ERBB4: variants seen among roughly 807,000 people sequenced by gnomAD.
ERBB4 encodes the protein receptor tyrosine-protein kinase erbB-4.
A neutral mutation model predicts 158.0 loss-of-function variants in ERBB4; 42 were observed. The observed-to-expected ratio is 0.27, with a 90% confidence interval of 0.21 to 0.34. The LOEUF (loss-of-function observed/expected upper bound fraction) is 0.34, where lower values mean the gene tolerates loss of function less well. ERBB4 is among the 10% of genes least tolerant of loss of function. The pLI is 1.00. For synonymous variants in ERBB4, 583 were observed against 558.7 expected, an observed-to-expected ratio of 1.04 and a Z score of -0.61; for missense variants, 1,333 against 1,624.1, an observed-to-expected ratio of 0.82 and a Z score of 3.08.
intron 1 of ERBB4, among the ~76,000 whole-genome samples, chr2:212,396,051 T>A (rs767422565): frequency 3.3e-5 from 5 of 152,224 alleles, no homozygotes; most frequent in Non-Finnish European, 7.3e-5. Flanking sequence ...TGCTTTAGGA[T>A]GTTTTTAATA....
intron 1 of ERBB4, among the ~76,000 whole-genome samples, chr2:212,198,642 TC>T (rs2082499721): frequency 6.6e-6 from 1 of 151,882 alleles, no homozygotes; most frequent in Non-Finnish European, 1.5e-5. Context: ...TGGTGGGATC[TC>T]AGTTTACTGC....
At chr2:212,451,441 C>T (rs2092444576) in intron 1 of ERBB4, among the ~76,000 whole-genome samples, 1 of 152,110 alleles carries the variant, frequency 6.6e-6, no homozygotes. Context: ...TGTCTTTGAC[C>T]TATGTAAGGG....
chr2:211,843,608 A>T (rs1326721981), intron 3 of ERBB4, among the ~76,000 whole-genome samples: 2 of 152,122 alleles, frequency 1.3e-5, no homozygotes, highest in Non-Finnish European at 2.9e-5. Flanking sequence ...AGGAGATTTT[A>T]AAAATGTTTT....
chr2:212,118,345 G>A (rs894803923), intron 2 of ERBB4, among the ~76,000 whole-genome samples: 2 of 152,152 alleles, frequency 1.3e-5, no homozygotes, highest in Non-Finnish European at 2.9e-5. Context: ...ACAAAACTGT[G>A]CTAATGAAGC....
intron 1 of ERBB4, among the ~76,000 whole-genome samples, chr2:212,487,414 C>CT (rs778712284): frequency 4.6e-5 from 7 of 151,686 alleles, no homozygotes; most frequent in Non-Finnish European, 8.8e-5. Context: ...CTTTAGCAAA[C>CT]TTTTTTTTAT....
At chr2:211,780,472 C>T (rs2076007269) in intron 4 of ERBB4, among the ~76,000 whole-genome samples, 2 of 152,070 alleles carry the variant, frequency 1.3e-5, no homozygotes, top group South Asian at 4.1e-4. Context: ...GACAAGAAAA[C>T]CAGGCTAGCA....
rs919108449 is a variant in ERBB4 at position 212,138,090 on chromosome 2, T to C, written c.83-13187A>G. On this transcript the variant is annotated intron_variant, in intron 1 of 27. Coordinates refer to ENST00000342788, the MANE Select transcript of ERBB4 (RefSeq NM_005235.3). ...GTAGAATTTTTAGAAATAATAATAGTATACAAATTTAGTTAAGCTGCTAAT... is the reference window on the plus strand; with the variant it reads ...GTAGAATTTTTAGAAATAATAATAGCATACAAATTTAGTTAAGCTGCTAAT... Among the ~76,000 whole-genome samples, 8 of 152,318 alleles carry C rather than the reference T, an allele frequency of 5.3e-5. No individual in the cohort carries two copies. The East Asian group carries it at 1.5e-3, about 29-fold the overall frequency.
intron 14 of ERBB4, among the ~76,000 whole-genome samples, chr2:211,670,935 C>T (rs531213298): frequency 6.6e-6 from 1 of 152,224 alleles, no homozygotes; most frequent in South Asian, 2.1e-4. Flanking sequence ...TGAAGTCTCT[C>T]CTTAGTGAAG....
At chr2:211,690,709 A>G (rs925291102) in intron 12 of ERBB4, among the ~76,000 whole-genome samples, 8 of 152,190 alleles carry the variant, frequency 5.3e-5, no homozygotes, top group Admixed American at 2.6e-4. Context: ...TCTTAAGAGA[A>G]AAGAAATTTT....
intron 1 of ERBB4, among the ~76,000 whole-genome samples, chr2:212,451,897 A>G (rs1054863248): frequency 4.6e-5 from 7 of 152,272 alleles, no homozygotes; most frequent in African/African-American, 1.7e-4. Context: ...GTGAGGGGCA[A>G]CTGGGTTGAA....
intron 1 of ERBB4, among the ~76,000 whole-genome samples, chr2:212,309,940 T>C (rs1238752851): frequency 6.6e-6 from 1 of 150,550 alleles, no homozygotes; most frequent in African/African-American, 2.4e-5. Context: ...TATCAACATG[T>C]TGGGCCATGT....
chr2:211,401,131 CAAAG>C (rs902003268), intron 25 of ERBB4, among the ~76,000 whole-genome samples: 6 of 151,730 alleles, frequency 4.0e-5, no homozygotes, highest in African/African-American at 1.2e-4. Flanking sequence ...AGCAGTAATT[CAAAG>C]AAAGGCTCCT....
intron 1 of ERBB4, among the ~76,000 whole-genome samples, chr2:212,207,948 GA>G (rs573306641): frequency 1.8e-3 from 274 of 151,900 alleles, no homozygotes; most frequent in Non-Finnish European, 3.0e-3. Context: ...TCAATAATTA[GA>G]AAAAAAGTAA....
rs774498948 is a variant in ERBB4 at position 211,970,633 on chromosome 2, CTTCT to C, written c.235-23021_235-23018del. ...GAATTTTTTACCACTATGTAATGAC[CTTCT>C]TTGTCTTTTTTTGATCTTTGTTGGT... On this transcript the variant is annotated intron_variant, in intron 2 of 27. Coordinates refer to ENST00000342788, the MANE Select transcript of ERBB4 (RefSeq NM_005235.3). Among the ~76,000 whole-genome samples the C allele has an allele frequency of 2.5e-4, 38 of 152,136 alleles. 1 individual carries two copies. The highest frequency in any genetic ancestry group is 8.3e-4 in the South Asian group (4 of 4,822).
chr2:211,914,049 CAAAAA>C (rs74891191), intron 3 of ERBB4, among the ~76,000 whole-genome samples: 1 of 93,276 alleles, frequency 1.1e-5, no homozygotes, highest in Non-Finnish European at 2.4e-5. Flanking sequence ...CTTGGAATGA[CAAAAA>C]AAAAAAAAAA....
intron 2 of ERBB4, among the ~76,000 whole-genome samples, chr2:212,032,923 A>T (rs1422808105): frequency 6.6e-6 from 1 of 152,022 alleles, no homozygotes; most frequent in Non-Finnish European, 1.5e-5. Flanking sequence ...AAAAAAGAAA[A>T]GAAATGAAGG....
chr2:211,938,519 T>C (rs1381920754), intron 3 of ERBB4, among the ~76,000 whole-genome samples: 6 of 152,098 alleles, frequency 3.9e-5, no homozygotes, highest in Non-Finnish European at 8.8e-5. Flanking sequence ...AAAATAAAAA[T>C]TCCTATCTTC....
intron 1 of ERBB4, among the ~76,000 whole-genome samples, chr2:212,327,723 T>C (rs904471082): frequency 1.5e-4 from 5 of 34,032 alleles, no homozygotes; most frequent in East Asian, 8.8e-4. Flanking sequence ...TTTTTTTCTT[T>C]TTTTCTTTTT....
In ERBB4 at chr2:211,704,639, A is replaced by G. The variant is rs867480667; in HGVS notation, c.1199-445T>C. Among the ~76,000 whole-genome samples, 3 of 152,224 alleles carry G rather than the reference A, an allele frequency of 2.0e-5. 1 individual carries two copies. Among genetic ancestry groups the G allele is most frequent in the Non-Finnish European group, 2.9e-5 (2 of 68,032 alleles). On this transcript the variant is annotated intron_variant, in intron 10 of 27. Coordinates refer to ENST00000342788, the MANE Select transcript of ERBB4 (RefSeq NM_005235.3). ...CATATCTATGGGTCCCATATTACCT[A>G]TAAGACAATGTTGAACACATTACAT...
Sources: gnomAD v4.1 joint callset for allele counts (sites outside exome capture counted in the v4.1 genomes callset) on GRCh38, gnomAD v4.1.1 for gene constraint, MANE v1.5 for transcripts, NCBI Gene and HGNC (gene_info 2026-07-23, HGNC 2026-07-21) for gene names.